Variants in KIAA1217 observed in about 807,000 individuals in gnomAD.
The protein encoded by KIAA1217 is sickle tail protein homolog.
Under a neutral mutation model 163.9 loss-of-function variants are expected in KIAA1217, and 88 were observed. The ratio of observed to expected loss-of-function variants is 0.54; its 90% CI spans 0.45 to 0.64. KIAA1217 has a LOEUF of 0.64. KIAA1217 is among the 30% of genes least tolerant of loss of function. KIAA1217 has a pLI of 0.00. For missense variants in KIAA1217, 2,372 were observed against 2,475.0 expected, an observed-to-expected ratio of 0.96 and a Z score of 0.88; for synonymous variants, 903 against 923.1, an observed-to-expected ratio of 0.98 and a Z score of 0.39.
At chr10:24,113,264 C>T (rs1312567892) in intron 2 of KIAA1217, among the ~76,000 whole-genome samples, 1 of 152,072 alleles carries the variant, frequency 6.6e-6, no homozygotes, top group Admixed American at 6.5e-5. Context: ...AAAAATAATA[C>T]CTATTTTTAG....
At chr10:23,927,325 GGTGTGT>G (rs57321785) in intron 1 of KIAA1217, among the ~76,000 whole-genome samples, 1,985 of 143,082 alleles carry the variant, frequency 0.014, 42 homozygotes, top group African/African-American at 0.048. Flanking sequence ...CAAGTCATAG[GGTGTGT>G]GTGTGTGTGT....
At chr10:24,058,002 G>A (rs2131594643) in intron 2 of KIAA1217, among the ~76,000 whole-genome samples, 1 of 152,174 alleles carries the variant, frequency 6.6e-6, no homozygotes, top group South Asian at 2.1e-4. Context: ...ATCTTTCCCT[G>A]TTTTCTTCTA....
intron 3 of KIAA1217, among the ~76,000 whole-genome samples, chr10:24,416,255 C>T (rs994531446): frequency 6.6e-6 from 1 of 152,208 alleles, no homozygotes; most frequent in Non-Finnish European, 1.5e-5. Flanking sequence ...CTAAAAGCAG[C>T]TCAGCGTGAC....
chr10:23,793,280 T>C (rs1836044832), intron 1 of KIAA1217, among the ~76,000 whole-genome samples: 1 of 152,146 alleles, frequency 6.6e-6, no homozygotes, highest in Non-Finnish European at 1.5e-5. Context: ...AACCCCTTTC[T>C]ACTCATGGCA....
At chr10:24,522,808 C>T (rs1267914800) in intron 12 of KIAA1217, among the ~76,000 whole-genome samples, 1 of 152,186 alleles carries the variant, frequency 6.6e-6, no homozygotes, top group Non-Finnish European at 1.5e-5. Context: ...CTAGCCTGGC[C>T]AACATAGTGA....
chr10:24,018,642 G>A (rs1035326564), intron 2 of KIAA1217, among the ~76,000 whole-genome samples: 2 of 151,786 alleles, frequency 1.3e-5, no homozygotes, highest in East Asian at 1.9e-4. Context: ...CTAGAAAACC[G>A]TAGAGATATT....
chr10:23,821,713 T>TA (rs1837627951), intron 1 of KIAA1217, among the ~76,000 whole-genome samples: 1 of 152,222 alleles, frequency 6.6e-6, no homozygotes, highest in Non-Finnish European at 1.5e-5. Context: ...CTATATGTAA[T>TA]AAAAATCTGT....
intron 2 of KIAA1217, among the ~76,000 whole-genome samples, chr10:24,023,770 A>G (rs1847832247): frequency 6.6e-6 from 1 of 151,766 alleles, no homozygotes; most frequent in East Asian, 1.9e-4. Context: ...TATATAAATA[A>G]ATACCACATA....
chr10:24,225,995 TAC>T (rs2070466775), intron 2 of KIAA1217, among the ~76,000 whole-genome samples: 1 of 152,090 alleles, frequency 6.6e-6, no homozygotes, highest in African/African-American at 2.4e-5. Flanking sequence ...TAGAGAGGGG[TAC>T]AGAGCCACAG....
chr10:23,978,270 C>T (rs773799662), intron 1 of KIAA1217, among the ~76,000 whole-genome samples: 4 of 152,184 alleles, frequency 2.6e-5, no homozygotes, highest in Admixed American at 6.5e-5. Flanking sequence ...AGAGCTGAAG[C>T]TTCAACTCAC....
chr10:23,847,832 C>T (rs550288492), intron 1 of KIAA1217, among the ~76,000 whole-genome samples: 2 of 152,104 alleles, frequency 1.3e-5, no homozygotes, highest in Admixed American at 6.6e-5. Context: ...TAGATCTTTC[C>T]TGCTTTCTCC....
chr10:24,440,105 A>G (rs892219361), intron 5 of KIAA1217, among the ~76,000 whole-genome samples: 5 of 152,186 alleles, frequency 3.3e-5, no homozygotes, highest in Non-Finnish European at 7.4e-5. Context: ...AAGGCCTCTC[A>G]CGTACTCAAC....
chr10:24,059,816 C>T (rs189519649), intron 2 of KIAA1217, among the ~76,000 whole-genome samples: 4 of 152,320 alleles, frequency 2.6e-5, no homozygotes, highest in East Asian at 1.9e-4. Context: ...CCGCCCACCT[C>T]GGCCTCCCAA....
intron 2 of KIAA1217, among the ~76,000 whole-genome samples, chr10:24,251,650 C>G (rs565809180): frequency 3.9e-5 from 6 of 152,130 alleles, no homozygotes; most frequent in African/African-American, 1.4e-4. Context: ...CATCCCACAC[C>G]TGCCTCCCTT....
intron 2 of KIAA1217, among the ~76,000 whole-genome samples, chr10:24,256,388 G>A (rs1289194560): frequency 1.3e-5 from 2 of 152,122 alleles, no homozygotes; most frequent in African/African-American, 4.8e-5. Context: ...AAGAGACTTC[G>A]CCAAAGCCCA....
chr10:23,930,383 T>C (rs1423658704), intron 1 of KIAA1217, among the ~76,000 whole-genome samples: 2 of 152,194 alleles, frequency 1.3e-5, no homozygotes, highest in Non-Finnish European at 2.9e-5. Flanking sequence ...ATTATCTAAA[T>C]ATGCAAGCTA....
intron 2 of KIAA1217, among the ~76,000 whole-genome samples, chr10:24,180,567 C>G (rs1329642028): frequency 6.6e-6 from 1 of 152,084 alleles, no homozygotes; most frequent in East Asian, 1.9e-4. Context: ...CTCTGTAATA[C>G]CATTTCCTTT....
At chr10:24,388,087 G>C (rs935459562) in intron 3 of KIAA1217, among the ~76,000 whole-genome samples, 1 of 152,192 alleles carries the variant, frequency 6.6e-6, no homozygotes, top group Non-Finnish European at 1.5e-5. Context: ...AAAAGAGGCT[G>C]TATAGCCAAG....
At chr10:24,248,703 C>T (rs11013993) in intron 2 of KIAA1217, among the ~76,000 whole-genome samples, 15,502 of 144,658 alleles carry the variant, frequency 0.11, 1,754 homozygotes, top group African/African-American at 0.23. Context: ...AAAAATGTCC[C>T]TCATACCTAA....
Sources: gnomAD v4.1 joint callset for allele counts (sites outside exome capture counted in the v4.1 genomes callset) on GRCh38, gnomAD v4.1.1 for gene constraint, MANE v1.5 for transcripts, NCBI Gene and HGNC (gene_info 2026-07-23, HGNC 2026-07-21) for gene names.